Variants in ANK1 observed in about 807,000 individuals in gnomAD.
ANK1 encodes the protein ankyrin-1.
A neutral mutation model predicts 210.4 loss-of-function variants in ANK1; 51 were observed. The ratio of observed to expected loss-of-function variants is 0.24; its 90% CI spans 0.19 to 0.31. The LOEUF (loss-of-function observed/expected upper bound fraction) is 0.31, where lower values mean the gene tolerates loss of function less well. Among genes scored for constraint, ANK1 ranks in the 10% least tolerant of loss-of-function variants. The probability of loss-of-function intolerance (pLI) is 1.00; values close to 1 mark genes in which losing one functional copy is unlikely to be tolerated. For missense variants in ANK1, 2,051 were observed against 2,504.4 expected, an observed-to-expected ratio of 0.82 and a Z score of 3.86; for synonymous variants, 967 against 1,025.9, an observed-to-expected ratio of 0.94 and a Z score of 1.10.
At chr8:41,744,176 A>C (rs1835487632) in intron 2 of ANK1, among the ~76,000 whole-genome samples, 1 of 152,220 alleles carries the variant, frequency 6.6e-6, no homozygotes, top group Non-Finnish European at 1.5e-5. Flanking sequence ...ACGAAGACAA[A>C]TCCATAGGAG....
intron 1 of ANK1, among the ~76,000 whole-genome samples, chr8:41,822,136 A>AAGAG (rs1563845772): frequency 4.6e-5 from 1 of 21,884 alleles, no homozygotes; most frequent in Non-Finnish European, 1.2e-4. Flanking sequence ...AAGAAAGAGA[A>AAGAG]AGAAAGAAAG....
At position 41,661,879 on chromosome 8, in the gene ANK1, C is replaced by T; in HGVS notation, c.5541G>A (p.Glu1847=). The change falls in exon 41 of 43, where the codon GAG becomes GAA. Residue 1847 remains glutamate, a synonymous_variant. Transcript: ENST00000289734. ...LSSADAAQEH[E]EVELRGSGLQ... ...CCAGGGGCCCCTCTACAGTCACCTC[C>T]TCGTGCTCCTGGGCGGCATCGGCGC... 6.2e-7 allele frequency: 1 copy of T among 1,614,144 alleles called. No individual in the cohort carries two copies. The highest frequency in any genetic ancestry group is 8.5e-7 in the Non-Finnish European group (1 of 1,180,006).
intron 2 of ANK1, among the ~76,000 whole-genome samples, chr8:41,748,858 A>T (rs1044617977): frequency 1.3e-5 from 2 of 152,174 alleles, no homozygotes; most frequent in Non-Finnish European, 2.9e-5. Flanking sequence ...ACACAGTGAA[A>T]TCCCGTCTCT....
rs1296942730 is a variant in ANK1, at chr8:41,702,071, G to A, written c.2369C>T (p.Thr790Met). The change falls in exon 21 of 43, where the codon ACG (threonine) becomes ATG (methionine). Residue 790 changes from threonine (T) to methionine (M), a missense_variant. Thr to Met is a moderately conservative substitution (Grantham distance 81). Transcript: ENST00000289734. ...ACATACCACGAAACTGGTTTCATCC[G>A]TGACGACCTTGAGCACGTCGGTGAC... ...ISVTDVLKVVTDETSFVLVSD... is the reference protein window; with the variant it reads ...ISVTDVLKVVMDETSFVLVSD... 6.2e-7 allele frequency: 1 copy of A among 1,614,186 alleles called. No individual in the cohort carries two copies. Among genetic ancestry groups the A allele is most frequent in the Non-Finnish European group, 8.5e-7 (1 of 1,180,004 alleles).
rs1286466342 is a variant in ANK1 at position 41,797,576 on chromosome 8, G to T, written c.-38C>A. 1 of 1,612,290 alleles carries T rather than the reference G, an allele frequency of 6.2e-7. No individual in the cohort carries two copies. Among genetic ancestry groups the T allele is most frequent in the East Asian group, 2.2e-5 (1 of 44,812 alleles). ...GCAGGGGCCCGCCGAAGGGCCTTGG[G>T]GGCTTGAGGAGGAGCAGCTGGGGCT... is the stretch of plus-strand genomic sequence containing the variant. On this transcript the variant is annotated 5_prime_UTR_variant, in exon 1 of 43. Transcript: ENST00000289734. The surrounding 1 kb of genome is among the most constrained non-coding windows in gnomAD (Gnocchi z 4.0).
chr8:41,860,845 C>A (rs1344534359), intron 1 of ANK1, among the ~76,000 whole-genome samples: 2 of 152,238 alleles, frequency 1.3e-5, no homozygotes, highest in African/African-American at 4.8e-5. Context: ...AGCGCCTCCC[C>A]TGCTGTGCCT....
At chr8:41,864,916 CA>C (rs1477668567) in intron 1 of ANK1, among the ~76,000 whole-genome samples, 14 of 152,338 alleles carry the variant, frequency 9.2e-5, no homozygotes, top group Admixed American at 5.9e-4. Context: ...CTTCTCCTCT[CA>C]GGGGAGGTCT....
At chr8:41,657,536 C>A (rs1328881761) in intron 42 of ANK1, among the ~76,000 whole-genome samples, 2 of 152,224 alleles carry the variant, frequency 1.3e-5, no homozygotes, top group African/African-American at 4.8e-5. Flanking sequence ...ACACTGAGGG[C>A]AAGAACAGCC....
chr8:41,786,220 A>T (rs908035783), intron 1 of ANK1, among the ~76,000 whole-genome samples: 2 of 152,160 alleles, frequency 1.3e-5, no homozygotes, highest in East Asian at 3.9e-4. Flanking sequence ...GCGTCTTGCC[A>T]GGGGCTAGGA....
At chr8:41,706,777 C>T (rs1199826562) in intron 17 of ANK1, among the ~76,000 whole-genome samples, 1 of 152,198 alleles carries the variant, frequency 6.6e-6, no homozygotes. Context: ...GGAGAAAGCA[C>T]AGGTGAAGCA....
At chr8:41,802,828 T>C (rs2150777399) in intron 1 of ANK1, among the ~76,000 whole-genome samples, 1 of 150,144 alleles carries the variant, frequency 6.7e-6, no homozygotes, top group East Asian at 2.0e-4. Context: ...GAGGATCACC[T>C]GAGCCTGGGA....
At chr8:41,849,306 G>A (rs1311841423) in intron 1 of ANK1, among the ~76,000 whole-genome samples, 1 of 152,212 alleles carries the variant, frequency 6.6e-6, no homozygotes, top group African/African-American at 2.4e-5. Context: ...TCCCATGGCA[G>A]CTCTTCTTTG....
At chr8:41,687,384 C>T (rs888861325) in intron 35 of ANK1, among the ~76,000 whole-genome samples, 1 of 152,248 alleles carries the variant, frequency 6.6e-6, no homozygotes, top group Non-Finnish European at 1.5e-5. Context: ...CATTAGGCTT[C>T]TGTTTAAGGA....
intron 1 of ANK1, among the ~76,000 whole-genome samples, chr8:41,887,109 TC>T (rs1469100189): frequency 1.3e-5 from 2 of 152,066 alleles, no homozygotes; most frequent in African/African-American, 4.8e-5. Context: ...AGATTTCATC[TC>T]CAGAAGACAC....
intron 16 of ANK1, among the ~76,000 whole-genome samples, chr8:41,710,535 C>A (rs1825841283): frequency 6.6e-6 from 1 of 152,218 alleles, no homozygotes; most frequent in Non-Finnish European, 1.5e-5. Context: ...TTCTAGCAAG[C>A]CCCCAGATGA....
In ANK1 at chr8:41,672,840, G is replaced by T. The variant is rs1263903666; in HGVS notation, c.4610C>A (p.Ala1537Glu). The change falls in exon 38 of 43, where the codon GCA (alanine) becomes GAA (glutamate). Residue 1537 changes from alanine (A) to glutamate (E), a missense_variant. This residue lies in a region of ANK1 where 496 missense variants were observed against 533.4 expected (regional missense o/e 0.93). Transcript: ENST00000289734. ...LGCALSSPLR[A>E]DQYWNEVAVL... ...GGCCACCTCATTCCAGTACTGGTCT[G>T]CACGTAGCGGAGAGGAAAGTGCACA... 1 of 1,612,162 alleles carries T rather than the reference G, an allele frequency of 6.2e-7. No homozygotes were observed.
chr8:41,673,697 G>A (rs562129371), intron 37 of ANK1, among the ~76,000 whole-genome samples: 2 of 152,304 alleles, frequency 1.3e-5, no homozygotes, highest in East Asian at 1.9e-4. Context: ...GGTCAGCACC[G>A]ACCTGGTGGG....
chr8:41,809,384 G>A (rs1413939009), intron 1 of ANK1, among the ~76,000 whole-genome samples: 2 of 152,306 alleles, frequency 1.3e-5, no homozygotes, highest in Non-Finnish European at 2.9e-5. Flanking sequence ...ATTAGCAAAC[G>A]CGTCAACATG....
intron 1 of ANK1, among the ~76,000 whole-genome samples, chr8:41,786,756 C>T (rs1846492996): frequency 6.6e-6 from 1 of 152,208 alleles, no homozygotes; most frequent in African/African-American, 2.4e-5. Context: ...ATATTCAAAA[C>T]TCCGCAGGAA....
Sources: allele counts gnomAD v4.1 joint callset (sites outside exome capture counted in the v4.1 genomes callset), GRCh38; gene constraint gnomAD v4.1.1; regional missense constraint gnomAD v4.1.1; non-coding constraint Gnocchi (gnomAD v3.1); transcripts MANE v1.5; gene names NCBI Gene and HGNC (gene_info 2026-07-23, HGNC 2026-07-21).